CSMD1: variants seen among roughly 807,000 people sequenced by gnomAD.
The protein encoded by CSMD1 is CUB and Sushi multiple domains 1.
CSMD1 carries 213 observed loss-of-function variants against 417.5 expected under a neutral mutation model. The ratio of observed to expected loss-of-function variants is 0.51; its 90% CI spans 0.46 to 0.57. The LOEUF (loss-of-function observed/expected upper bound fraction) is 0.57, where lower values mean the gene tolerates loss of function less well. CSMD1 is among the 20% of genes least tolerant of loss of function. The probability of loss-of-function intolerance (pLI) is 0.00; values close to 1 mark genes in which losing one functional copy is unlikely to be tolerated. For synonymous variants in CSMD1, 2,862 were observed against 1,736.8 expected (o/e 1.65, Z -16.11); for missense variants, 6,923 against 4,529.7 (o/e 1.53, Z -15.17).
intron 15 of CSMD1, among the ~76,000 whole-genome samples, 200 bp downstream of exon 15, chr8:3,405,827 C>A (rs1055274781): frequency 6.6e-6 from 1 of 152,150 alleles, no homozygotes; most frequent in South Asian, 2.1e-4. Flanking sequence ...AGAAGGACCC[C>A]ACCCTGCCGA....
chr8:3,183,696 T>G (rs1372432636), intron 36 of CSMD1, among the ~76,000 whole-genome samples: 2 of 152,220 alleles, frequency 1.3e-5, no homozygotes, highest in Non-Finnish European at 2.9e-5. Context: ...CGAGTAGGTC[T>G]CTACTGTTTC....
intron 26 of CSMD1, among the ~76,000 whole-genome samples, chr8:3,232,331 A>G (rs184185668): frequency 7.2e-4 from 109 of 152,326 alleles, no homozygotes; most frequent in Non-Finnish European, 1.4e-3. Flanking sequence ...TAACTGGAAT[A>G]CATATTGCAA....
intron 1 of CSMD1, among the ~76,000 whole-genome samples, chr8:4,817,306 G>T (rs1420561124): frequency 6.6e-6 from 1 of 152,152 alleles, no homozygotes; most frequent in Admixed American, 6.5e-5. Context: ...ATACATTAAG[G>T]TGGCTATTAT....
At chr8:3,946,991 C>G (rs1355478991) in intron 5 of CSMD1, among the ~76,000 whole-genome samples, 1 of 152,042 alleles carries the variant, frequency 6.6e-6, no homozygotes, top group Non-Finnish European at 1.5e-5. Context: ...TAAATAAATA[C>G]GTTGGATCTC....
intron 4 of CSMD1, among the ~76,000 whole-genome samples, chr8:4,010,652 T>C (rs1816472434): frequency 1.3e-5 from 2 of 152,122 alleles, no homozygotes; most frequent in Admixed American, 6.5e-5. Flanking sequence ...TCATAATTTT[T>C]TGACTCATGG....
At chr8:3,569,465 TTG>T (rs1388509318) in intron 10 of CSMD1, among the ~76,000 whole-genome samples, 1 of 152,176 alleles carries the variant, frequency 6.6e-6, no homozygotes. Flanking sequence ...AAAGAGAAGT[TTG>T]TATTGACTAA....
At chr8:4,201,290 G>C (rs745640116) in intron 3 of CSMD1, among the ~76,000 whole-genome samples, 16 of 152,130 alleles carry the variant, frequency 1.1e-4, no homozygotes, top group Admixed American at 2.0e-4. Flanking sequence ...TGTAATCCCA[G>C]CACTTTGGGA....
intron 5 of CSMD1, among the ~76,000 whole-genome samples, chr8:3,805,224 G>T (rs993381957): frequency 9.9e-5 from 15 of 152,142 alleles, no homozygotes; most frequent in African/African-American, 3.6e-4. Flanking sequence ...TTTCCTGCGG[G>T]ACACCAGCAT....
intron 1 of CSMD1, among the ~76,000 whole-genome samples, chr8:4,661,447 G>C (rs1804601407): frequency 6.6e-6 from 1 of 152,136 alleles, no homozygotes; most frequent in Non-Finnish European, 1.5e-5. Context: ...CAAAAATATA[G>C]AAATGGAGAA....
chr8:2,987,555 T>C (rs1021781032), intron 54 of CSMD1, among the ~76,000 whole-genome samples: 1 of 152,128 alleles, frequency 6.6e-6, no homozygotes, highest in Non-Finnish European at 1.5e-5. Flanking sequence ...AGATGATTGA[T>C]ACAGTACTTC....
intron 62 of CSMD1, 82 bp from the exon 63 acceptor site, chr8:2,957,889 C>G: frequency 1.1e-6 from 1 of 934,198 alleles, no homozygotes; most frequent in Non-Finnish European, 1.7e-6. Flanking sequence ...AGTACACGCC[C>G]GAGTAAAAGT....
At chr8:4,753,386 C>T (rs1233765690) in intron 1 of CSMD1, among the ~76,000 whole-genome samples, 1 of 148,638 alleles carries the variant, frequency 6.7e-6, no homozygotes, top group Non-Finnish European at 1.5e-5. Flanking sequence ...TGTCTCTTCC[C>T]TACTTTCCAC....
intron 6 of CSMD1, among the ~76,000 whole-genome samples, chr8:3,735,547 G>A (rs151095823): frequency 1.8e-4 from 28 of 152,314 alleles, no homozygotes; most frequent in Non-Finnish European, 3.2e-4. Flanking sequence ...AGCAAATTCT[G>A]CCTTTAGAAA....
intron 12 of CSMD1, among the ~76,000 whole-genome samples, chr8:3,434,875 A>G (rs1814446371): frequency 1.3e-5 from 2 of 152,190 alleles, no homozygotes; most frequent in African/African-American, 4.8e-5. Context: ...AAAAAAAGTT[A>G]ATGCAGGAAA....
chr8:4,514,642 C>T (rs2130362438), intron 2 of CSMD1, among the ~76,000 whole-genome samples: 1 of 152,252 alleles, frequency 6.6e-6, no homozygotes, highest in Non-Finnish European at 1.5e-5. Context: ...GCAACATCAG[C>T]CCTGTTAAAT....
At chr8:3,723,783 G>C (rs1273122752) in intron 6 of CSMD1, among the ~76,000 whole-genome samples, 2 of 152,090 alleles carry the variant, frequency 1.3e-5, no homozygotes, top group East Asian at 3.9e-4. Context: ...TGCATAAAGT[G>C]AACCCATGAT....
intron 10 of CSMD1, among the ~76,000 whole-genome samples, chr8:3,517,541 G>A (rs1174414535): frequency 6.6e-6 from 1 of 152,170 alleles, no homozygotes; most frequent in African/African-American, 2.4e-5. Context: ...GTCCCTGGGA[G>A]AATGGGAGGA....
intron 12 of CSMD1, among the ~76,000 whole-genome samples, chr8:3,411,136 G>C (rs544757825): frequency 7.2e-5 from 11 of 152,276 alleles, no homozygotes; most frequent in African/African-American, 2.6e-4. Flanking sequence ...AGGAGACCTG[G>C]TGTCATCTGA....
chr8:3,099,561 C>T (rs1815583991), intron 46 of CSMD1, among the ~76,000 whole-genome samples: 1 of 152,178 alleles, frequency 6.6e-6, no homozygotes, highest in Non-Finnish European at 1.5e-5. Flanking sequence ...CTCTACCCTG[C>T]ATTTTTATGA....
Sources: gnomAD v4.1 joint callset for allele counts (sites outside exome capture counted in the v4.1 genomes callset) on GRCh38, gnomAD v4.1.1 for gene constraint, MANE v1.5 for transcripts, NCBI Gene and HGNC (gene_info 2026-07-23, HGNC 2026-07-21) for gene names.